Variants in WDR48 observed in about 807,000 individuals in gnomAD.
The protein encoded by WDR48 is WD repeat-containing protein 48.
WDR48 carries 22 observed loss-of-function variants against 94.0 expected under a neutral mutation model. The observed-to-expected ratio is 0.23, with a 90% CI of 0.17 to 0.33. WDR48 has a LOEUF of 0.33. Among genes scored for constraint, WDR48 ranks in the 10% least tolerant of loss-of-function variants. The pLI is 1.00. For synonymous variants in WDR48, 278 were observed against 280.5 expected (o/e 0.99, Z 0.09); for missense variants, 541 against 813.8 (o/e 0.66, Z 4.08).
chr3:39,092,766 G>A (rs2035147368), intron 17 of WDR48, among the ~76,000 whole-genome samples: 1 of 151,932 alleles, frequency 6.6e-6, no homozygotes. Context: ...TATATAGAAA[G>A]AAGCTAGTGA....
chr3:39,059,348 G>A (rs534137179), intron 1 of WDR48, among the ~76,000 whole-genome samples: 4 of 152,226 alleles, frequency 2.6e-5, no homozygotes, highest in East Asian at 1.9e-4. Context: ...ATGTGTTTAC[G>A]GTAACAGAAA....
intron 16 of WDR48, chr3:39,090,813 C>CT (rs2035040289): frequency 1.3e-5 from 2 of 152,148 alleles, no homozygotes; most frequent in Non-Finnish European, 1.5e-5. Flanking sequence ...CCTTCAGAAA[C>CT]TTTATTTTCT....
rs1266015103 is a variant in WDR48 at position 39,096,026 on chromosome 3, T to C, written c.*1283T>C. On this transcript the variant is annotated 3_prime_UTR_variant, in exon 19 of 19. Transcript: ENST00000302313. ...GCTTGTGTGTGGCCTGCCTCCACCA[T>C]AGCAGGGACTAGGGAGGGAGGCAGG... 6.6e-6 allele frequency: 1 copy of C among 152,652 alleles called. No homozygotes were observed. Among genetic ancestry groups the C allele is most frequent in the Non-Finnish European group, 1.5e-5 (1 of 68,038 alleles). The allele number at this position is 152,652 out of a possible 1,614,324, so 9.5% of individuals were successfully genotyped here.
intron 7 of WDR48, among the ~76,000 whole-genome samples, chr3:39,072,046 A>G (rs550958415): frequency 6.6e-6 from 1 of 152,302 alleles, no homozygotes; most frequent in Non-Finnish European, 1.5e-5. Context: ...TGAGCTTGTA[A>G]TATAGGGTAC....
Position 39,063,030 on chromosome 3 carries a change from T to A in WDR48, c.49-20T>A, listed in dbSNP as rs1030286633. Reference sequence around the variant, plus strand: ...CATGGCTTGTACTTTATAAAAAGCATATGTTGACACATTTGTCAGGTTTCC... The same window carrying A: ...CATGGCTTGTACTTTATAAAAAGCAAATGTTGACACATTTGTCAGGTTTCC... On this transcript the variant is annotated intron_variant, in intron 1 of 18. Transcript: ENST00000302313. 8.1e-6 allele frequency: 13 copies of A among 1,613,610 alleles called. No individual in the cohort carries two copies. In the African/African-American group the frequency reaches 1.5e-4, roughly 18 times the overall value.
chr3:39,071,478 G>A (rs567111304), intron 7 of WDR48, among the ~76,000 whole-genome samples: 2 of 152,328 alleles, frequency 1.3e-5, no homozygotes, highest in East Asian at 1.9e-4. Context: ...CCAGAAGGGG[G>A]CTATGGGCCT....
intron 5 of WDR48, among the ~76,000 whole-genome samples, chr3:39,067,246 T>C (rs1488831740): frequency 3.9e-5 from 6 of 152,196 alleles, no homozygotes. Flanking sequence ...AGGTGGCGAT[T>C]TTCTGACAAA....
chr3:39,069,772 T>C, intron 7 of WDR48, 28 bp downstream of exon 7: 1 of 1,583,268 alleles, frequency 6.3e-7, no homozygotes, highest in Non-Finnish European at 8.6e-7. Context: ...GGTGTTTACC[T>C]AATAACCTTG....
chr3:39,065,069 G>T (rs1415607399), intron 2 of WDR48, among the ~76,000 whole-genome samples: 1 of 152,140 alleles, frequency 6.6e-6, no homozygotes, highest in Non-Finnish European at 1.5e-5. Flanking sequence ...AAACAGACTT[G>T]TACAGAGCTG....
chr3:39,077,080 C>T, intron 8 of WDR48, 59 bp from the exon 9 acceptor site: 1 of 1,585,054 alleles, frequency 6.3e-7, no homozygotes, highest in Non-Finnish European at 8.7e-7. Flanking sequence ...CATATCTAGT[C>T]CTGGCAGTTC....
intron 1 of WDR48, among the ~76,000 whole-genome samples, chr3:39,062,824 T>G (rs979049114): frequency 6.6e-6 from 1 of 152,192 alleles, no homozygotes; most frequent in African/African-American, 2.4e-5. Flanking sequence ...CAGGAAGCAG[T>G]TATAGTAGTT....
intron 5 of WDR48, 49 bp from the exon 6 acceptor site, chr3:39,068,722 T>C (rs759969055): frequency 6.9e-7 from 1 of 1,446,874 alleles, no homozygotes; most frequent in South Asian, 1.3e-5. Context: ...GACTAGTTAC[T>C]AAACAGCTGA....
chr3:39,061,630 G>A (rs752078305), intron 1 of WDR48, among the ~76,000 whole-genome samples: 41 of 152,134 alleles, frequency 2.7e-4, no homozygotes, highest in Non-Finnish European at 4.9e-4. Flanking sequence ...TGGGATGGCC[G>A]GGTCAAATGG....
Position 39,093,095 on chromosome 3 carries a change from A to G in WDR48, c.1746-779A>G, listed in dbSNP as rs181492870. On this transcript the variant is annotated intron_variant, in intron 17 of 18. Transcript: ENST00000302313. ...GTTTGAGGTGCCTGTAGGACATCCAACTGAAGATACCCAACCAGCTGTTGG... is the reference window on the plus strand; with the variant it reads ...GTTTGAGGTGCCTGTAGGACATCCAGCTGAAGATACCCAACCAGCTGTTGG... Among the ~76,000 whole-genome samples the G allele has an allele frequency of 1.8e-3, 272 of 152,302 alleles. 2 individuals are homozygous for G. The highest frequency in any genetic ancestry group is 2.3e-3 in the East Asian group (12 of 5,182).
intron 11 of WDR48, among the ~76,000 whole-genome samples, chr3:39,082,881 A>G (rs923586256): frequency 6.6e-6 from 1 of 152,204 alleles, no homozygotes; most frequent in African/African-American, 2.4e-5. Context: ...GTCATAGGAA[A>G]TGTCAGAGTT....
chr3:39,074,242 A>G (rs1353219503), intron 7 of WDR48, among the ~76,000 whole-genome samples: 1 of 152,228 alleles, frequency 6.6e-6, no homozygotes, highest in Non-Finnish European at 1.5e-5. Flanking sequence ...GGCCAGGTAG[A>G]GAGGACAAAG....
intron 14 of WDR48, chr3:39,086,253 A>C (rs1054494330): frequency 5.3e-5 from 8 of 152,270 alleles, no homozygotes; most frequent in Non-Finnish European, 1.2e-4. Context: ...GATCAAAGGA[A>C]GGGGAAACAA....
chr3:39,085,571 G>A lies in WDR48; in HGVS notation c.1435G>A (p.Val479Met). 6.2e-7 allele frequency: 1 copy of A among 1,612,164 alleles called. No homozygotes were observed. The highest frequency in any genetic ancestry group is 1.1e-5 in the South Asian group (1 of 90,542). ...ALLEYWPRTH[V>M]NPMDEEENEV... Reference sequence around the variant, plus strand: ...CCTGGAATATTGGCCTAGAACACATGTGAATCCAATGGATGAAGAGGAAAA... The same window carrying A: ...CCTGGAATATTGGCCTAGAACACATATGAATCCAATGGATGAAGAGGAAAA... Residue 479 changes from valine (V) to methionine (M), a missense_variant, in exon 14 of 19, where the codon GTG becomes ATG. Transcript: ENST00000302313.
chr3:39,056,583 A>G (rs937276142), intron 1 of WDR48, among the ~76,000 whole-genome samples: 1 of 152,264 alleles, frequency 6.6e-6, no homozygotes, highest in African/African-American at 2.4e-5. Flanking sequence ...GAATGAAAAT[A>G]GGATCCCTTT....
Sources: allele counts gnomAD v4.1 joint callset (sites outside exome capture counted in the v4.1 genomes callset), GRCh38; gene constraint gnomAD v4.1.1; transcripts MANE v1.5; gene names NCBI Gene and HGNC (gene_info 2026-07-23, HGNC 2026-07-21).